The following AP1G1 variants were observed in gnomAD, a reference collection of about 807,000 sequenced individuals.
AP1G1 encodes adaptor related protein complex 1 subunit gamma 1, also known as AP-1 complex subunit gamma-1.
In AP1G1, 7 loss-of-function variants were observed where a neutral mutation model predicts 108.3. The observed-to-expected ratio is 0.06, with a 90% CI of 0.04 to 0.12. The LOEUF is 0.12. Among genes scored for constraint, AP1G1 ranks in the 10% least tolerant of loss-of-function variants. The pLI is 1.00. For synonymous variants in AP1G1, 379 were observed against 353.5 expected (o/e 1.07, Z -0.81); for missense variants, 756 against 1,010.7 (o/e 0.75, Z 3.42).
rs775566059 is a variant in AP1G1, at chr16:71,732,226, A to G, written c.*832T>C. The G allele has an allele frequency of 6.6e-6, 1 of 152,480 alleles. No individual in the cohort carries two copies. Among genetic ancestry groups the G allele is most frequent in the Non-Finnish European group, 1.5e-5 (1 of 68,044 alleles). 9.4% of individuals were successfully genotyped at this position (152,480 alleles called of 1,614,324 possible). A position where few individuals can be genotyped will look rare whatever the true frequency, so the allele number is the denominator to read the frequency against. On this transcript the variant is annotated 3_prime_UTR_variant, in exon 23 of 23. Coordinates refer to ENST00000299980, the MANE Select transcript of AP1G1 (RefSeq NM_001128.6). ...TTAGAAGGTGACCATTTTGCACTTT[A>G]AAGGGAATCAATTTTGAAAATCATG...
intron 1 of AP1G1, among the ~76,000 whole-genome samples, chr16:71,797,431 AGTAAG>A (rs1425328628): frequency 6.6e-6 from 1 of 152,164 alleles, no homozygotes; most frequent in Non-Finnish European, 1.5e-5. Context: ...TTTCAAACCT[AGTAAG>A]GTGTCATTCA....
chr16:71,808,816 C>T lies in AP1G1; in HGVS notation c.-57G>A, dbSNP rs182523578. On this transcript the variant is annotated 5_prime_UTR_variant, in exon 1 of 23. Coordinates refer to ENST00000299980, the MANE Select transcript of AP1G1 (RefSeq NM_001128.6). ...GCTCCGGGGGCGGCGGCAGCAGTGG[C>T]AGCAGGAACCGAACATCCAAAATGG... 2 of 1,289,742 alleles carry T rather than the reference C, an allele frequency of 1.6e-6. No homozygotes were observed. Among genetic ancestry groups the T allele is most frequent in the Non-Finnish European group, 2.0e-6 (2 of 988,818 alleles). 79.9% of individuals were successfully genotyped at this position (1,289,742 alleles called of 1,614,324 possible).
At chr16:71,764,974 GGATACTACCA>G (rs1198380078) in intron 7 of AP1G1, among the ~76,000 whole-genome samples, 2 of 152,234 alleles carry the variant, frequency 1.3e-5, no homozygotes, top group East Asian at 3.9e-4. Flanking sequence ...CACAGCTAAA[GGATACTACCA>G]GATACTACCA....
chr16:71,774,319 A>C, intron 3 of AP1G1, 149 bp downstream of exon 3: 1 of 734,372 alleles, frequency 1.4e-6, no homozygotes, highest in Non-Finnish European at 2.1e-6. Flanking sequence ...CAGTTGGGGG[A>C]GGACGGTGGC....
intron 2 of AP1G1, among the ~76,000 whole-genome samples, chr16:71,778,943 A>C (rs1172010485): frequency 6.6e-6 from 1 of 152,180 alleles, no homozygotes; most frequent in Non-Finnish European, 1.5e-5. Context: ...ATTTCAATGG[A>C]GTACTACTAC....
chr16:71,808,333 T>C, intron 1 of AP1G1: 1 of 760,314 alleles, frequency 1.3e-6, no homozygotes, highest in Non-Finnish European at 1.8e-6. Context: ...GGCATTTGGA[T>C]ATGCTGGGAG....
At chr16:71,755,038 G>A (rs995322385) in intron 12 of AP1G1, among the ~76,000 whole-genome samples, 9 of 152,130 alleles carry the variant, frequency 5.9e-5, no homozygotes, top group Admixed American at 4.6e-4. Flanking sequence ...AGAAGAGAAA[G>A]AATAGCTGTA....
chr16:71,753,329 T>G (rs1007431094), intron 13 of AP1G1, among the ~76,000 whole-genome samples: 1 of 152,152 alleles, frequency 6.6e-6, no homozygotes, highest in Non-Finnish European at 1.5e-5. Flanking sequence ...TCCTAACATA[T>G]TCAAAATAAA....
chr16:71,742,096 T>C (rs2029896004), intron 19 of AP1G1, among the ~76,000 whole-genome samples: 1 of 152,132 alleles, frequency 6.6e-6, no homozygotes, highest in African/African-American at 2.4e-5. Context: ...TTAAAACACA[T>C]TATGAATAAG....
chr16:71,736,117 A>AAAAAATATATAT (rs1555550846), intron 21 of AP1G1, among the ~76,000 whole-genome samples: 1 of 71,618 alleles, frequency 1.4e-5, no homozygotes, highest in African/African-American at 6.2e-5. Flanking sequence ...AAAAAAAAAA[A>AAAAAATATATAT]ATATATATAT....
intron 1 of AP1G1, among the ~76,000 whole-genome samples, chr16:71,791,096 C>CT (rs2032380846): frequency 6.6e-6 from 1 of 152,054 alleles, no homozygotes; most frequent in South Asian, 2.1e-4. Context: ...TGGCACACAC[C>CT]TGTAGGCTCA....
At chr16:71,800,063 AT>A (rs2032731605) in intron 1 of AP1G1, among the ~76,000 whole-genome samples, 3 of 151,516 alleles carry the variant, frequency 2.0e-5, no homozygotes, top group African/African-American at 7.3e-5. Context: ...TTTTAAAAAA[AT>A]AATAATAAAG....
chr16:71,807,331 C>G (rs1178442319), intron 1 of AP1G1, among the ~76,000 whole-genome samples: 1 of 152,194 alleles, frequency 6.6e-6, no homozygotes, highest in Non-Finnish European at 1.5e-5. Flanking sequence ...ACTTGGGAGG[C>G]TGAGGCAGGA....
chr16:71,752,231 G>C (rs1232028920), intron 13 of AP1G1, among the ~76,000 whole-genome samples: 1 of 152,114 alleles, frequency 6.6e-6, no homozygotes, highest in Non-Finnish European at 1.5e-5. Context: ...CTTCAGGAGT[G>C]TTAATTTCTC....
chr16:71,808,727 C>G (rs962490512), intron 1 of AP1G1, 36 bp downstream of exon 1: 1 of 1,286,862 alleles, frequency 7.8e-7, no homozygotes, highest in Admixed American at 2.3e-5. Flanking sequence ...GGGGCAAAAG[C>G]AGCAATATGC....
At chr16:71,782,743 C>T (rs1010281673) in intron 2 of AP1G1, among the ~76,000 whole-genome samples, 2 of 151,282 alleles carry the variant, frequency 1.3e-5, no homozygotes, top group African/African-American at 2.5e-5. Context: ...GCCTCGGCCT[C>T]CCAAAGTGCT....
chr16:71,803,040 C>T lies in AP1G1; in HGVS notation c.-4+5723G>A, dbSNP rs951279271. Among the ~76,000 whole-genome samples, 3 of 152,076 alleles carry T rather than the reference C, an allele frequency of 2.0e-5. No individual in the cohort carries two copies. The South Asian group carries it at 6.2e-4, about 32-fold the overall frequency. ...GACCAGCCTGGCCAACGTGACAAAA[C>T]CCCGTCTCCACTAAAAATACAAAAA... On this transcript the variant is annotated intron_variant, in intron 1 of 22. Coordinates refer to ENST00000299980, the MANE Select transcript of AP1G1 (RefSeq NM_001128.6).
intron 1 of AP1G1, among the ~76,000 whole-genome samples, chr16:71,798,229 G>C (rs2032655004): frequency 6.6e-6 from 1 of 151,422 alleles, no homozygotes; most frequent in African/African-American, 2.4e-5. Flanking sequence ...AGGATCACTT[G>C]AGGCCATGAG....
At chr16:71,786,483 A>T (rs1429340952) in intron 2 of AP1G1, among the ~76,000 whole-genome samples, 1 of 151,816 alleles carries the variant, frequency 6.6e-6, no homozygotes, top group Admixed American at 6.6e-5. Context: ...TTTTTTTGAG[A>T]AAGAGTCTCA....
Sources: allele counts gnomAD v4.1 joint callset (sites outside exome capture counted in the v4.1 genomes callset), GRCh38; gene constraint gnomAD v4.1.1; transcripts MANE v1.5; gene names NCBI Gene and HGNC (gene_info 2026-07-23, HGNC 2026-07-21).